RAB27A: variants seen among roughly 807,000 people sequenced by gnomAD.
RAB27A encodes the protein ras-related protein Rab-27A.
In RAB27A, 17 loss-of-function variants were observed where a neutral mutation model predicts 20.8. The ratio of observed to expected loss-of-function variants is 0.82; its 90% CI spans 0.56 to 1.23. RAB27A has a LOEUF of 1.23. Among genes scored for constraint, RAB27A ranks in the 50% most tolerant of loss-of-function variants. The pLI is 0.00. For synonymous variants in RAB27A, 85 were observed against 92.8 expected (o/e 0.92, Z 0.48); for missense variants, 277 against 266.7 (o/e 1.04, Z -0.27).
chr15:55,224,443 G>C (rs571651944), intron 5 of RAB27A, among the ~76,000 whole-genome samples: 1 of 152,238 alleles, frequency 6.6e-6, no homozygotes, highest in South Asian at 2.1e-4. Flanking sequence ...TAAAAGAATT[G>C]TTTTTCTCCA....
chr15:55,254,025 T>C (rs1158147808), intron 2 of RAB27A, among the ~76,000 whole-genome samples: 1 of 152,176 alleles, frequency 6.6e-6, no homozygotes, highest in Non-Finnish European at 1.5e-5. Flanking sequence ...GAGGTTGAAA[T>C]GAGATTCTGC....
rs181772980 is a variant in RAB27A at position 55,278,346 on chromosome 15, G to A, written c.-142-8062C>T. Among the ~76,000 whole-genome samples, 269 of 152,218 alleles carry A rather than the reference G, an allele frequency of 1.8e-3. 3 individuals carry two copies. Among genetic ancestry groups the A allele is most frequent in the Admixed American group, 0.015 (235 of 15,290 alleles). On this transcript the variant is annotated intron_variant, in intron 1 of 6. Transcript: ENST00000336787. ...CCCTGGGGTATTTATGTCAGTAGCC[G>A]CTTCTAAACTTGTGAACAGAAATCA...
intron 2 of RAB27A, among the ~76,000 whole-genome samples, chr15:55,299,204 T>A (rs1416849919): frequency 6.6e-6 from 1 of 152,250 alleles, no homozygotes; most frequent in Admixed American, 6.5e-5. Context: ...ATTATAAAAG[T>A]ATTAATTTGG....
intron 1 of RAB27A, among the ~76,000 whole-genome samples, chr15:55,286,689 T>C (rs977594165): frequency 1.4e-4 from 21 of 151,922 alleles, no homozygotes; most frequent in African/African-American, 4.8e-4. Context: ...GTATAGACCA[T>C]GGTGAGGACT....
chr15:55,248,379 CAA>C (rs1474513392), intron 2 of RAB27A, among the ~76,000 whole-genome samples: 1 of 152,058 alleles, frequency 6.6e-6, no homozygotes, highest in African/African-American at 2.4e-5. Flanking sequence ...TTTGCATGTG[CAA>C]AAAGTGACAT....
At chr15:55,276,876 T>C (rs1363217327) in intron 1 of RAB27A, among the ~76,000 whole-genome samples, 1 of 152,198 alleles carries the variant, frequency 6.6e-6, no homozygotes, top group African/African-American at 2.4e-5. Flanking sequence ...TGGGAGGTGA[T>C]GGATACATTT....
intron 6 of RAB27A, among the ~76,000 whole-genome samples, chr15:55,207,217 C>T (rs1894694963): frequency 6.6e-6 from 1 of 152,144 alleles, no homozygotes; most frequent in Admixed American, 6.6e-5. Context: ...TTAATAACTA[C>T]TTTGGAAAAT....
At chr15:55,313,262 T>C (rs558669077) in intron 2 of RAB27A, among the ~76,000 whole-genome samples, 91 of 152,188 alleles carry the variant, frequency 6.0e-4, no homozygotes, top group South Asian at 5.2e-3. Context: ...CAAAGATTTG[T>C]TTTAAATAAG....
intron 1 of RAB27A, among the ~76,000 whole-genome samples, chr15:55,285,934 C>G (rs1216150672): frequency 1.3e-5 from 2 of 152,164 alleles, no homozygotes; most frequent in Admixed American, 6.5e-5. Context: ...TGGGAGGGAC[C>G]AAAATCCTCA....
At chr15:55,210,166 C>T (rs1894933666) in intron 6 of RAB27A, among the ~76,000 whole-genome samples, 1 of 88,854 alleles carries the variant, frequency 1.1e-5, no homozygotes, top group Non-Finnish European at 2.1e-5. Flanking sequence ...CATACACATA[C>T]ATATATACGT....
intron 2 of RAB27A, among the ~76,000 whole-genome samples, chr15:55,251,743 T>A (rs886933042): frequency 1.3e-5 from 2 of 152,214 alleles, no homozygotes; most frequent in African/African-American, 4.8e-5. Context: ...ACAAAAATTT[T>A]TTAAAATACT....
chr15:55,311,983 CCA>C (rs1314773458), intron 2 of RAB27A, among the ~76,000 whole-genome samples: 1 of 151,886 alleles, frequency 6.6e-6, no homozygotes, highest in African/African-American at 2.4e-5. Flanking sequence ...CTCACGGATT[CCA>C]AGGAATGGAA....
intron 1 of RAB27A, among the ~76,000 whole-genome samples, chr15:55,286,374 T>G (rs1006163959): frequency 6.6e-6 from 1 of 152,026 alleles, no homozygotes; most frequent in Non-Finnish European, 1.5e-5. Flanking sequence ...AAGACAAATG[T>G]TGTGTGTGTG....
chr15:55,297,100 G>A (rs767145752), intron 2 of RAB27A, among the ~76,000 whole-genome samples: 1 of 152,180 alleles, frequency 6.6e-6, no homozygotes, highest in Non-Finnish European at 1.5e-5. Flanking sequence ...GTACAACAGA[G>A]AAGTTCATGT....
chr15:55,303,439 T>C (rs1460170339), intron 2 of RAB27A, among the ~76,000 whole-genome samples: 1 of 49,528 alleles, frequency 2.0e-5, no homozygotes, highest in African/African-American at 2.4e-4. Context: ...GGAGTTGGGG[T>C]GTCAGCCCTC....
chr15:55,283,945 G>A (rs1898083598), intron 1 of RAB27A, among the ~76,000 whole-genome samples: 1 of 152,294 alleles, frequency 6.6e-6, no homozygotes, highest in African/African-American at 2.4e-5. Flanking sequence ...CAGCCTCCCA[G>A]GTGGTGGGAT....
intron 2 of RAB27A, among the ~76,000 whole-genome samples, chr15:55,253,253 G>T (rs1359037945): frequency 1.3e-5 from 2 of 151,208 alleles, no homozygotes; most frequent in South Asian, 4.2e-4. Context: ...TTCGAGACCA[G>T]CCTGGCCAAC....
chr15:55,209,921 C>T lies in RAB27A; in HGVS notation c.468-4216G>A, dbSNP rs865884547. On this transcript the variant is annotated intron_variant, in intron 6 of 6. Coordinates refer to ENST00000336787, the MANE Select transcript of RAB27A (RefSeq NM_183235.3). Reference sequence around the variant, plus strand: ...ACACATATGTGTGTGTATGTATATACACACATATATGTATGTACATGTACA... The same window carrying T: ...ACACATATGTGTGTGTATGTATATATACACATATATGTATGTACATGTACA... Among the ~76,000 whole-genome samples, 57 of 75,556 alleles carry T rather than the reference C, an allele frequency of 7.5e-4. 7 individuals carry two copies. The highest frequency in any genetic ancestry group is 6.8e-3 in the African/African-American group (43 of 6,368). The allele number at this position is 75,556 out of a possible 152,430, so 49.6% of individuals were successfully genotyped here.
rs146617538 is a variant in RAB27A, at chr15:55,298,158, T to C, written c.-112+15881A>G. Among the ~76,000 whole-genome samples, 400 of 150,472 alleles carry C rather than the reference T, an allele frequency of 2.7e-3. 3 individuals carry two copies. The highest frequency in any genetic ancestry group is 0.01 in the Middle Eastern group (3 of 294). ...AGGCAGAGCTTGCTGTCAGCCAAGATTGCACCACTGCACTCCAGCCTGGAT... is the reference window on the plus strand; with the variant it reads ...AGGCAGAGCTTGCTGTCAGCCAAGACTGCACCACTGCACTCCAGCCTGGAT... On this transcript the variant is annotated intron_variant, in intron 2 of 5. Transcript: ENST00000563262.
Sources: allele counts gnomAD v4.1 joint callset (sites outside exome capture counted in the v4.1 genomes callset), GRCh38; gene constraint gnomAD v4.1.1; transcripts MANE v1.5; gene names NCBI Gene and HGNC (gene_info 2026-07-23, HGNC 2026-07-21).